RALGAPA2: variants seen among roughly 807,000 people sequenced by gnomAD.
The protein encoded by RALGAPA2 is Ral GTPase activating protein catalytic subunit alpha 2, also known as ral GTPase-activating protein subunit alpha-2.
Under a neutral mutation model 230.4 loss-of-function variants are expected in RALGAPA2, and 139 were observed. The ratio of observed to expected loss-of-function variants is 0.60; its 90% confidence interval spans 0.53 to 0.69. The LOEUF is 0.69. Among genes scored for constraint, RALGAPA2 ranks in the 30% least tolerant of loss-of-function variants. The pLI, the probability that RALGAPA2 is intolerant of heterozygous loss-of-function variation, is 0.00. For missense variants in RALGAPA2, 2,163 were observed against 2,276.0 expected (o/e 0.95, Z 1.01); for synonymous variants, 847 against 837.8 (o/e 1.01, Z -0.19).
intron 9 of RALGAPA2, 38 bp from the exon 10 acceptor site, chr20:20,629,628 C>T: frequency 1.3e-6 from 2 of 1,597,442 alleles, no homozygotes; most frequent in Non-Finnish European, 1.7e-6. Context: ...TGATGCTCAC[C>T]CCCACTCAAG....
intron 1 of RALGAPA2, among the ~76,000 whole-genome samples, chr20:20,701,955 G>A (rs1325582759): frequency 5.3e-5 from 8 of 150,950 alleles, no homozygotes; most frequent in African/African-American, 1.2e-4. Context: ...CAGGAGAATC[G>A]CTTGAACCTG....
At chr20:20,590,291 G>A (rs754908258) in intron 17 of RALGAPA2, among the ~76,000 whole-genome samples, 2 of 151,864 alleles carry the variant, frequency 1.3e-5, no homozygotes, top group Non-Finnish European at 2.9e-5. Context: ...GCAGGCAACT[G>A]GTAGTTTCTA....
At chr20:20,468,340 T>C (rs1422128226) in intron 37 of RALGAPA2, among the ~76,000 whole-genome samples, 1 of 152,122 alleles carries the variant, frequency 6.6e-6, no homozygotes, top group East Asian at 1.9e-4. Flanking sequence ...ATCCCTCCCA[T>C]CTGGGGGTAT....
intron 38 of RALGAPA2, among the ~76,000 whole-genome samples, chr20:20,401,107 G>C (rs1193263863): frequency 6.6e-6 from 1 of 152,172 alleles, no homozygotes; most frequent in Admixed American, 6.5e-5. Context: ...TTGTGGTAAT[G>C]GTTGCATAAC....
intron 1 of RALGAPA2, among the ~76,000 whole-genome samples, chr20:20,690,027 G>A (rs2068847739): frequency 6.6e-6 from 1 of 151,898 alleles, no homozygotes; most frequent in Admixed American, 6.6e-5. Context: ...TCAGTCTAAG[G>A]TTATTTATAG....
chr20:20,612,608 T>C (rs2066008840), intron 13 of RALGAPA2, among the ~76,000 whole-genome samples: 1 of 152,190 alleles, frequency 6.6e-6, no homozygotes, highest in African/African-American at 2.4e-5. Flanking sequence ...TCATCTGTTG[T>C]TATACATTCT....
At chr20:20,408,498 T>A (rs1452847430) in intron 38 of RALGAPA2, among the ~76,000 whole-genome samples, 1 of 152,254 alleles carries the variant, frequency 6.6e-6, no homozygotes, top group Non-Finnish European at 1.5e-5. Context: ...TTACACTATT[T>A]ATATCTTTTC....
chr20:20,619,386 C>T lies in RALGAPA2; in HGVS notation c.1430G>A (p.Arg477Gln), dbSNP rs1320066381. 6 of 1,605,480 alleles carry T rather than the reference C, an allele frequency of 3.7e-6. No individual in the cohort carries two copies. Among genetic ancestry groups the T allele is most frequent in the Admixed American group, 3.3e-5 (2 of 59,858 alleles). Residue 477 changes from arginine (R) to glutamine (Q), a missense_variant, in exon 12 of 40, where the codon CGA (arginine) becomes CAA (glutamine). Physicochemically the swap from Arg to Gln is conservative, Grantham distance 43 (BLOSUM62 1). Transcript: ENST00000202677. The stretch of plus-strand genomic sequence containing the variant: ...GTATGTGCGTCCCCAACTGGAAGAT[C>T]GTTTATGACCAGAACTTTCAGATGA... Reference protein sequence around the residue: ...EASSESSGHKRSSSWGRTYSF... With the variant: ...EASSESSGHKQSSSWGRTYSF...
chr20:20,562,848 AG>A (rs1412756431), intron 23 of RALGAPA2, among the ~76,000 whole-genome samples: 1 of 152,240 alleles, frequency 6.6e-6, no homozygotes, highest in Non-Finnish European at 1.5e-5. Flanking sequence ...TATAAAAAAA[AG>A]AAAAAATATC....
chr20:20,665,588 A>C (rs1406287166), intron 3 of RALGAPA2, among the ~76,000 whole-genome samples: 1 of 152,210 alleles, frequency 6.6e-6, no homozygotes, highest in Non-Finnish European at 1.5e-5. Context: ...TATCCATTGA[A>C]ACTGACTCCT....
chr20:20,475,676 A>T (rs2061634495), intron 36 of RALGAPA2, among the ~76,000 whole-genome samples: 1 of 152,162 alleles, frequency 6.6e-6, no homozygotes. Context: ...AAGAGATCTG[A>T]AAAGGCAAGG....
At chr20:20,544,871 G>T (rs183654872) in intron 24 of RALGAPA2, among the ~76,000 whole-genome samples, 1 of 152,068 alleles carries the variant, frequency 6.6e-6, no homozygotes, top group African/African-American at 2.4e-5. Flanking sequence ...GGCCTGTCAG[G>T]GGGTGGGGGG....
At chr20:20,468,943 GTGTGTGTGTGTGTGTGTGTT>G (rs1350079618) in intron 37 of RALGAPA2, among the ~76,000 whole-genome samples, 2 of 147,598 alleles carry the variant, frequency 1.4e-5, no homozygotes, top group Admixed American at 6.7e-5. Context: ...CCTCCATCCT[GTGTGTGTGTGTGTGTGTGTT>G]TGTGTGTGTG....
rs760576605 is a variant in RALGAPA2 at position 20,526,339 on chromosome 20, C to T, written c.3606G>A (p.Gln1202=). The T allele has an allele frequency of 6.2e-7, 1 of 1,600,798 alleles. No homozygotes were observed. The highest frequency in any genetic ancestry group is 8.5e-7 in the Non-Finnish European group (1 of 1,176,070). ...GCAACTGAAGGACATCGCAAGCTAC[C>T]TGGGCCACGATTTTGTTGGGAAACT... ...TLKFPNKIVA[Q]VACDVLQLLV... Residue 1202 remains glutamine, a synonymous_variant, in exon 28 of 40, where the codon CAG becomes CAA. Transcript: ENST00000202677.
intron 31 of RALGAPA2, among the ~76,000 whole-genome samples, chr20:20,517,566 G>T (rs2062909976): frequency 6.6e-6 from 1 of 152,134 alleles, no homozygotes; most frequent in African/African-American, 2.4e-5. Flanking sequence ...ATAAAAAAGT[G>T]CCTAACACGG....
chr20:20,697,571 A>G (rs1359833253), intron 1 of RALGAPA2, among the ~76,000 whole-genome samples: 1 of 152,182 alleles, frequency 6.6e-6, no homozygotes, highest in African/African-American at 2.4e-5. Flanking sequence ...AGGAGCCAGA[A>G]TGAGGTTCTA....
Position 20,605,428 on chromosome 20 carries a change from C to A in RALGAPA2, c.1801-16G>T. ...CCATGAGCGTCTAAAACCAACCAAC[C>A]AACAAGAGAATTCACACATCTTCAT... On this transcript the variant is annotated splice_polypyrimidine_tract_variant and intron_variant, in intron 14 of 39. Transcript: ENST00000202677. 6.4e-7 allele frequency: 1 copy of A among 1,554,828 alleles called. No individual in the cohort carries two copies. The highest frequency in any genetic ancestry group is 8.9e-7 in the Non-Finnish European group (1 of 1,128,504).
chr20:20,427,170 A>G (rs2060401561), intron 37 of RALGAPA2, among the ~76,000 whole-genome samples: 1 of 152,208 alleles, frequency 6.6e-6, no homozygotes, highest in Non-Finnish European at 1.5e-5. Context: ...CTGTTTTCAT[A>G]GAAAGCTGAA....
intron 2 of RALGAPA2, among the ~76,000 whole-genome samples, chr20:20,679,128 A>C (rs2068437025): frequency 6.6e-6 from 1 of 152,054 alleles, no homozygotes; most frequent in Non-Finnish European, 1.5e-5. Context: ...CCAGTCACCT[A>C]TATTGTACTG....
Sources: allele counts gnomAD v4.1 joint callset (sites outside exome capture counted in the v4.1 genomes callset), GRCh38; gene constraint gnomAD v4.1.1; transcripts MANE v1.5; gene names NCBI Gene and HGNC (gene_info 2026-07-23, HGNC 2026-07-21).